Variants in VNN1 observed in about 807,000 individuals in gnomAD.
VNN1 encodes the protein vanin 1.
In VNN1, 29 loss-of-function variants were observed where a neutral mutation model predicts 41.9. The observed-to-expected ratio is 0.69, with a 90% CI of 0.52 to 0.94. The LOEUF (loss-of-function observed/expected upper bound fraction) is 0.94, where lower values mean the gene tolerates loss of function less well. Ranked by LOEUF, VNN1 falls within the 40% of genes least tolerant of loss-of-function variation. VNN1 has a pLI of 0.00. For missense variants in VNN1, 637 were observed against 621.1 expected (o/e 1.03, Z -0.27); for synonymous variants, 233 against 224.4 (o/e 1.04, Z -0.34).
chr6:132,711,889 G>A (rs1483578326), intron 1 of VNN1, 50 bp from the exon 2 acceptor site: 8 of 1,597,496 alleles, frequency 5.0e-6, no homozygotes, highest in Non-Finnish European at 6.0e-6. Context: ...GAGGAGCTGA[G>A]GAGCTGAGTG....
chr6:132,699,213 A>G (rs953269735), intron 2 of VNN1: 13 of 340,602 alleles, frequency 3.8e-5, no homozygotes, highest in African/African-American at 2.4e-4. Context: ...GAGAAGTTGT[A>G]ATGTAAAGTG....
chr6:132,692,732 C>A, intron 4 of VNN1, 148 bp from the exon 5 acceptor site: 2 of 1,208,252 alleles, frequency 1.7e-6, no homozygotes, highest in Non-Finnish European at 2.2e-6. Flanking sequence ...CTGATAAAGA[C>A]AGAGAAGTGA....
chr6:132,696,644 G>A (rs1253383542), intron 2 of VNN1, among the ~76,000 whole-genome samples: 2 of 150,454 alleles, frequency 1.3e-5, no homozygotes, highest in East Asian at 3.9e-4. Context: ...AGACCACAAA[G>A]CATTGAGCTG....
intron 6 of VNN1, among the ~76,000 whole-genome samples, 162 bp downstream of exon 6, chr6:132,684,173 A>T (rs548869332): frequency 6.6e-6 from 1 of 152,210 alleles, no homozygotes; most frequent in South Asian, 2.1e-4. Flanking sequence ...GAATTTCCAG[A>T]CAAGAAATGC....
rs201492775 is a variant in VNN1 at position 132,692,431 on chromosome 6, G to T, written c.980C>A (p.Ser327Ter). 5.4e-5 allele frequency: 87 copies of T among 1,614,030 alleles called. No homozygotes were observed. The highest frequency in any genetic ancestry group is 7.1e-5 in the Non-Finnish European group (84 of 1,180,038). ...TSYASSIEAL[S>*]SGNKEFKGTV... Reference sequence around the variant, plus strand: ...GCCTTTAAATTCCTTGTTTCCTGATGAGAGCGCTTCTATACTGCTGGCATA... The same window carrying T: ...GCCTTTAAATTCCTTGTTTCCTGATTAGAGCGCTTCTATACTGCTGGCATA... The change falls in exon 5 of 7, where the codon TCA becomes TAA. Residue 327 changes from serine (S) to a stop codon, truncating the protein, a stop_gained. Transcript: ENST00000367928. LOFTEE classifies it high-confidence loss of function.
intron 5 of VNN1, among the ~76,000 whole-genome samples, chr6:132,690,140 G>T (rs1002808558): frequency 6.6e-6 from 1 of 152,084 alleles, no homozygotes; most frequent in Admixed American, 6.5e-5. Context: ...AGTCTTTTGG[G>T]TCTTTGCTCC....
At position 132,692,308 on chromosome 6, in the gene VNN1, T is replaced by A. The variant is rs1248616302; in HGVS notation, c.1103A>T (p.Lys368Ile). 6.2e-7 allele frequency: 1 copy of A among 1,614,084 alleles called. No individual in the cohort carries two copies. Among genetic ancestry groups the A allele is most frequent in the African/African-American group, 1.3e-5 (1 of 74,930 alleles). ...TTCATTTGGTATGTTCTCAGACATT[T>A]TGTAGCTTAAATGACAGCAGAGATC... is the stretch of plus-strand genomic sequence containing the variant. Reference protein sequence around the residue: ...QKDLCCHLSYKMSENIPNEVY... With the variant: ...QKDLCCHLSYIMSENIPNEVY... Residue 368 changes from lysine (K) to isoleucine (I), a missense_variant, in exon 5 of 7, where the codon AAA (lysine) becomes ATA (isoleucine). By Grantham distance (102) the Lys-to-Ile change is moderately radical. Transcript: ENST00000367928.
At chr6:132,689,388 G>A (rs1778251783) in intron 5 of VNN1, among the ~76,000 whole-genome samples, 1 of 152,002 alleles carries the variant, frequency 6.6e-6, no homozygotes, top group African/African-American at 2.4e-5. Context: ...GGAAAAAAGT[G>A]CATTCACTTC....
At chr6:132,690,098 C>A (rs1778260994) in intron 5 of VNN1, among the ~76,000 whole-genome samples, 1 of 152,188 alleles carries the variant, frequency 6.6e-6, no homozygotes, top group Non-Finnish European at 1.5e-5. Flanking sequence ...CAGTCTTGGT[C>A]CAGACCCTTA....
intron 2 of VNN1, 116 bp from the exon 3 acceptor site, chr6:132,694,298 A>G: frequency 9.7e-7 from 1 of 1,030,794 alleles, no homozygotes; most frequent in African/African-American, 1.6e-5. Flanking sequence ...GTAAATTCTA[A>G]ATAACAATAA....
chr6:132,692,281 AC>A lies in VNN1; in HGVS notation c.1129del (p.Val377CysfsTer4), dbSNP rs771651044. ...TCCGTCAAATGCCCCTAGAGCGTAC[AC>A]TTCATTTGGTATGTTCTCAGACATT... Reference protein sequence around the residue: ...YKMSENIPNEVYALGAFDGLH... With the variant: ...YKMSENIPNEXYALGAFDGLH... On this transcript the variant is annotated frameshift_variant, in exon 5 of 7. Coordinates refer to ENST00000367928, the MANE Select transcript of VNN1 (RefSeq NM_004666.3). LOFTEE classifies it high-confidence loss of function. 4 of 1,613,958 alleles carry A rather than the reference AC, an allele frequency of 2.5e-6. No individual in the cohort carries two copies. Among genetic ancestry groups the A allele is most frequent in the Non-Finnish European group, 3.4e-6 (4 of 1,179,906 alleles).
intron 2 of VNN1, among the ~76,000 whole-genome samples, chr6:132,708,946 T>C (rs980973417): frequency 1.6e-4 from 24 of 152,218 alleles, no homozygotes; most frequent in Admixed American, 4.6e-4. Flanking sequence ...CCACAGGATC[T>C]TGGAATTTAG....
At chr6:132,698,895 T>A (rs1778411887) in intron 2 of VNN1, 1 of 201,848 alleles carries the variant, frequency 5.0e-6, no homozygotes, top group Non-Finnish European at 1.2e-5. Flanking sequence ...CTAATTGAGT[T>A]TGCACATGAT....
At chr6:132,697,638 AATTTGGTGACATCAAAT>A (rs1211106648) in intron 2 of VNN1, among the ~76,000 whole-genome samples, 1 of 151,708 alleles carries the variant, frequency 6.6e-6, no homozygotes, top group African/African-American at 2.4e-5. Context: ...TATGAATAAA[AATTTGGTGACATCAAAT>A]ATTGGCTACT....
chr6:132,710,642 G>A (rs1414475800), intron 2 of VNN1, among the ~76,000 whole-genome samples: 2 of 152,070 alleles, frequency 1.3e-5, no homozygotes, highest in Non-Finnish European at 2.9e-5. Flanking sequence ...CTGTTCCTGT[G>A]TTAGTTTGCT....
chr6:132,708,521 T>C (rs570424042), intron 2 of VNN1, among the ~76,000 whole-genome samples: 4 of 152,292 alleles, frequency 2.6e-5, no homozygotes, highest in East Asian at 3.9e-4. Context: ...TTGGTGAATA[T>C]GAGAAGAGAA....
Position 132,713,809 on chromosome 6 carries a change from G to C in VNN1, c.210+17C>G, listed in dbSNP as rs201148890. ...CTCATAGAATCCAGTACACTGGAGA[G>C]ATGGTAGAGATGGTACCTGATCTGC... On this transcript the variant is annotated intron_variant, in intron 1 of 6. Transcript: ENST00000367928. 5.6e-6 allele frequency: 9 copies of C among 1,611,988 alleles called. No homozygotes were observed. The African/African-American group carries it at 1.1e-4, about 19-fold the overall frequency.
intron 2 of VNN1, among the ~76,000 whole-genome samples, chr6:132,695,464 G>A (rs913132324): frequency 1.3e-5 from 2 of 152,056 alleles, no homozygotes; most frequent in African/African-American, 4.8e-5. Flanking sequence ...GGAGCAGGGT[G>A]GACAATAATG....
chr6:132,704,743 T>TA (rs200121551), intron 2 of VNN1, among the ~76,000 whole-genome samples: 12 of 148,024 alleles, frequency 8.1e-5, no homozygotes, highest in African/African-American at 3.0e-4. Context: ...ATAAAAAACA[T>TA]CCAAAAAAAA....
Sources: allele counts gnomAD v4.1 joint callset (sites outside exome capture counted in the v4.1 genomes callset), GRCh38; gene constraint gnomAD v4.1.1; transcripts MANE v1.5; gene names NCBI Gene and HGNC (gene_info 2026-07-23, HGNC 2026-07-21).